The following PDZRN4 variants were observed in gnomAD, a reference collection of about 807,000 sequenced individuals.
PDZRN4 encodes the protein PDZ domain-containing RING finger protein 4.
In PDZRN4, 70 loss-of-function variants were observed where a neutral mutation model predicts 99.0. The observed-to-expected ratio is 0.71, with a 90% CI of 0.58 to 0.86. PDZRN4 has a LOEUF of 0.86. Ranked by LOEUF, PDZRN4 falls within the 40% of genes least tolerant of loss-of-function variation. The pLI is 0.00. For synonymous variants in PDZRN4, 551 were observed against 501.6 expected (o/e 1.10, Z -1.32); for missense variants, 1,474 against 1,331.2 (o/e 1.11, Z -1.67).
At chr12:41,534,212 T>G (rs1026841030) in intron 5 of PDZRN4, among the ~76,000 whole-genome samples, 1 of 152,226 alleles carries the variant, frequency 6.6e-6, no homozygotes, top group African/African-American at 2.4e-5. Context: ...AGATTTTCTT[T>G]GCTTTTCGTT....
At chr12:41,333,214 T>G (rs1016749730) in intron 3 of PDZRN4, among the ~76,000 whole-genome samples, 7 of 152,118 alleles carry the variant, frequency 4.6e-5, no homozygotes, top group Admixed American at 3.9e-4. Flanking sequence ...AGCAATGAGC[T>G]AAGGTTCTGA....
intron 3 of PDZRN4, among the ~76,000 whole-genome samples, chr12:41,309,199 A>G (rs545345345): frequency 4.6e-5 from 7 of 152,302 alleles, no homozygotes; most frequent in Admixed American, 3.3e-4. Flanking sequence ...TTCTAAAAAT[A>G]AAAGTAACCG....
intron 3 of PDZRN4, among the ~76,000 whole-genome samples, chr12:41,379,534 C>T (rs1167788047): frequency 1.3e-5 from 2 of 151,632 alleles, no homozygotes; most frequent in African/African-American, 4.8e-5. Flanking sequence ...ATTTTTGCTG[C>T]ATTCCATAAA....
intron 3 of PDZRN4, among the ~76,000 whole-genome samples, chr12:41,262,261 A>C (rs1053614120): frequency 6.6e-6 from 1 of 152,138 alleles, no homozygotes; most frequent in Non-Finnish European, 1.5e-5. Flanking sequence ...CCATGACCAC[A>C]ATCTGTCTAC....
Position 41,573,397 on chromosome 12 carries a change from T to C in PDZRN4, c.2618T>C (p.Val873Ala). ...VEYAQSQLSLVSMCKESQKCS... is the reference protein window; with the variant it reads ...VEYAQSQLSLASMCKESQKCS... ...TATGCTCAGAGTCAGCTCAGCTTGGTGAGCATGTGCAAGGAGTCTCAGAAG... is the reference window on the plus strand; with the variant it reads ...TATGCTCAGAGTCAGCTCAGCTTGGCGAGCATGTGCAAGGAGTCTCAGAAG... The change falls in exon 10 of 10, where the codon GTG (valine) becomes GCG (alanine). Residue 873 changes from valine to alanine, a missense_variant. Val to Ala is a moderately conservative substitution (Grantham distance 64). Coordinates refer to ENST00000402685, the MANE Select transcript of PDZRN4 (RefSeq NM_001164595.2). 1 of 1,613,424 alleles carries C rather than the reference T, an allele frequency of 6.2e-7. No individual in the cohort carries two copies. Among genetic ancestry groups the C allele is most frequent in the Non-Finnish European group, 8.5e-7 (1 of 1,179,976 alleles).
chr12:41,269,489 AC>A (rs1260763019), intron 3 of PDZRN4, among the ~76,000 whole-genome samples: 1 of 152,174 alleles, frequency 6.6e-6, no homozygotes, highest in African/African-American at 2.4e-5. Context: ...ATTCCCAATT[AC>A]AAGGAAAAAA....
intron 3 of PDZRN4, among the ~76,000 whole-genome samples, chr12:41,342,003 T>C (rs1416979856): frequency 1.3e-5 from 2 of 151,728 alleles, no homozygotes; most frequent in African/African-American, 2.4e-5. Context: ...AAAACAAACA[T>C]ATACACCAAT....
chr12:41,481,579 C>G (rs932412921), intron 3 of PDZRN4, among the ~76,000 whole-genome samples: 7 of 152,050 alleles, frequency 4.6e-5, no homozygotes, highest in Non-Finnish European at 5.9e-5. Context: ...CTCTGGCTTT[C>G]TCTTTATTTT....
intron 3 of PDZRN4, among the ~76,000 whole-genome samples, chr12:41,390,447 T>G (rs557518761): frequency 6.6e-6 from 1 of 150,530 alleles, no homozygotes; most frequent in African/African-American, 2.4e-5. Flanking sequence ...CCATATGAAC[T>G]TCTAAGGGGT....
chr12:41,457,219 TG>T, intron 3 of PDZRN4, among the ~76,000 whole-genome samples: 1 of 152,308 alleles, frequency 6.6e-6, no homozygotes, highest in African/African-American at 2.4e-5. Flanking sequence ...ATAAACACTA[TG>T]CTATTGGAGT....
chr12:41,239,872 T>G (rs1408987801), intron 3 of PDZRN4, among the ~76,000 whole-genome samples: 1 of 152,188 alleles, frequency 6.6e-6, no homozygotes, highest in East Asian at 1.9e-4. Context: ...AATGAAAACC[T>G]TGAAATGGAT....
chr12:41,235,873 C>T (rs578030547), intron 3 of PDZRN4, among the ~76,000 whole-genome samples: 7 of 152,214 alleles, frequency 4.6e-5, no homozygotes, highest in East Asian at 1.9e-4. Flanking sequence ...ATCAGCATTA[C>T]GTAATTTCAT....
chr12:41,210,770 A>G (rs1950882922), intron 3 of PDZRN4, among the ~76,000 whole-genome samples: 1 of 151,888 alleles, frequency 6.6e-6, no homozygotes, highest in Admixed American at 6.6e-5. Context: ...TTTTTTGTGT[A>G]TTTCCTGTCA....
At chr12:41,537,626 T>C (rs1309635734) in intron 5 of PDZRN4, among the ~76,000 whole-genome samples, 1 of 152,126 alleles carries the variant, frequency 6.6e-6, no homozygotes, top group Non-Finnish European at 1.5e-5. Context: ...ACTTCAGTAG[T>C]GCTGTAAGGA....
intron 3 of PDZRN4, among the ~76,000 whole-genome samples, chr12:41,435,999 G>C (rs1307923911): frequency 6.6e-6 from 1 of 152,168 alleles, no homozygotes; most frequent in Non-Finnish European, 1.5e-5. Flanking sequence ...ATGTTTTACA[G>C]TTGCACCTGA....
At chr12:41,227,493 C>T (rs1044256821) in intron 3 of PDZRN4, among the ~76,000 whole-genome samples, 2 of 151,868 alleles carry the variant, frequency 1.3e-5, no homozygotes, top group Non-Finnish European at 2.9e-5. Context: ...GGCAAAACCC[C>T]ATCTCTACCC....
intron 3 of PDZRN4, among the ~76,000 whole-genome samples, chr12:41,202,470 GAA>G (rs1950823406): frequency 6.6e-6 from 1 of 152,058 alleles, no homozygotes; most frequent in African/African-American, 2.4e-5. Context: ...ACAAAGGAGA[GAA>G]AGGTGACTGA....
At chr12:41,513,912 A>C (rs902741482) in intron 5 of PDZRN4, among the ~76,000 whole-genome samples, 2 of 152,114 alleles carry the variant, frequency 1.3e-5, no homozygotes, top group Non-Finnish European at 2.9e-5. Context: ...AAATTTAGAT[A>C]GTATAAAACA....
At chr12:41,284,414 G>T (rs1450419122) in intron 3 of PDZRN4, among the ~76,000 whole-genome samples, 1 of 152,178 alleles carries the variant, frequency 6.6e-6, no homozygotes, top group East Asian at 1.9e-4. Context: ...AATCAATATT[G>T]TGAAAATGGC....
Sources: allele counts gnomAD v4.1 joint callset (sites outside exome capture counted in the v4.1 genomes callset), GRCh38; gene constraint gnomAD v4.1.1; transcripts MANE v1.5; gene names NCBI Gene and HGNC (gene_info 2026-07-23, HGNC 2026-07-21).